The following TENM3 variants were observed in gnomAD, a reference collection of about 807,000 sequenced individuals.
TENM3 encodes teneurin-3.
Under a neutral mutation model 255.1 loss-of-function variants are expected in TENM3, and 63 were observed. The ratio of observed to expected loss-of-function variants is 0.25; its 90% confidence interval spans 0.20 to 0.30. TENM3 has a LOEUF of 0.30. Ranked by LOEUF, TENM3 falls within the 10% of genes least tolerant of loss-of-function variation. The pLI is 1.00. For synonymous variants in TENM3, 1,306 were observed against 1,322.3 expected, an observed-to-expected ratio of 0.99 and a Z score of 0.27; for missense variants, 2,929 against 3,461.1, an observed-to-expected ratio of 0.85 and a Z score of 3.86.
At chr4:182,091,184 C>A in the TENM3 span, among the ~76,000 whole-genome samples, 3 of 152,344 alleles carry the variant, frequency 2.0e-5, no homozygotes, top group Non-Finnish European at 4.4e-5. Flanking sequence ...TTAGAGCCAA[C>A]AGGCTGATGT....
At chr4:181,706,567 A>T in the TENM3 span, among the ~76,000 whole-genome samples, 2 of 152,202 alleles carry the variant, frequency 1.3e-5, no homozygotes, top group Admixed American at 1.3e-4. Flanking sequence ...TTCCCCAGAT[A>T]AGTATTCTTC....
chr4:181,692,268 T>G, the TENM3 span, among the ~76,000 whole-genome samples: 1 of 152,208 alleles, frequency 6.6e-6, no homozygotes, highest in Non-Finnish European at 1.5e-5. Context: ...GAGTCACTGT[T>G]GAATAAGCGT....
chr4:182,151,858 CTAAA>C (rs529476255), intron 1 of TENM3, among the ~76,000 whole-genome samples: 75 of 151,846 alleles, frequency 4.9e-4, no homozygotes, highest in African/African-American at 1.4e-3. Context: ...ATCTAGTAAT[CTAAA>C]TACATATTAT....
chr4:182,228,342 T>C (rs969214584), intron 1 of TENM3, among the ~76,000 whole-genome samples: 13 of 106,740 alleles, frequency 1.2e-4, no homozygotes, highest in African/African-American at 4.7e-4. Flanking sequence ...ACCTTAAATA[T>C]ATATAATGTA....
intron 1 of TENM3, among the ~76,000 whole-genome samples, chr4:182,188,100 A>G (rs6838902): frequency 1 from 151,973 of 152,218 alleles, 75,864 homozygotes; most frequent in Non-Finnish European, 1. Context: ...GAGGTAAGAT[A>G]AGATACAACC....
the TENM3 span, among the ~76,000 whole-genome samples, chr4:181,502,959 A>G: frequency 1.3e-5 from 2 of 152,194 alleles, no homozygotes; most frequent in African/African-American, 4.8e-5. Flanking sequence ...CTGGGTTATC[A>G]GACTGCAGAC....
At chr4:182,559,803 T>C (rs2151965437) in intron 3 of TENM3, among the ~76,000 whole-genome samples, 1 of 152,256 alleles carries the variant, frequency 6.6e-6, no homozygotes, top group Middle Eastern at 3.4e-3. Flanking sequence ...ACTAGCCCCA[T>C]GGTTAATGGG....
the TENM3 span, among the ~76,000 whole-genome samples, chr4:181,993,885 T>C: frequency 1.2e-4 from 19 of 152,238 alleles, no homozygotes; most frequent in African/African-American, 4.3e-4. Flanking sequence ...TTTTTTAAAA[T>C]AAGTAATTGA....
intron 3 of TENM3, among the ~76,000 whole-genome samples, chr4:182,390,058 C>T (rs9994988): frequency 0.068 from 10,303 of 152,160 alleles, 1,119 homozygotes; most frequent in African/African-American, 0.23. Flanking sequence ...AGCCCACCTC[C>T]CTCAGTTTGG....
the TENM3 span, among the ~76,000 whole-genome samples, chr4:182,048,443 A>C: frequency 6.6e-6 from 1 of 152,334 alleles, no homozygotes; most frequent in East Asian, 1.9e-4. Flanking sequence ...CCAGATAATC[A>C]TGCTCTTTGT....
rs755035125 is a variant in TENM3 at position 182,324,031 on chromosome 4, AAG to A, written c.13_14del (p.Glu5ThrfsTer26). On this transcript the variant is annotated frameshift_variant, in exon 2 of 28. Coordinates refer to ENST00000511685, the MANE Select transcript of TENM3 (RefSeq NM_001080477.4). LOFTEE classifies it high-confidence loss of function. ...CAGAAGGAATGAAGTATGGATGTGA[AAG>A]AACGCAGGCCTTACTGCTCCCTGAC... The A allele has an allele frequency of 1.2e-6, 2 of 1,613,726 alleles. No individual in the cohort carries two copies. The highest frequency in any genetic ancestry group is 1.7e-6 in the Non-Finnish European group (2 of 1,179,794).
the TENM3 span, among the ~76,000 whole-genome samples, chr4:181,470,804 A>C: frequency 1.3e-5 from 2 of 152,194 alleles, no homozygotes; most frequent in Admixed American, 1.3e-4. Flanking sequence ...ACAGCAGCAT[A>C]TCTACAAAGC....
the TENM3 span, among the ~76,000 whole-genome samples, chr4:181,951,994 T>C: frequency 3.3e-5 from 5 of 152,216 alleles, no homozygotes; most frequent in African/African-American, 1.2e-4. Context: ...TACTTGAAAG[T>C]CTGAAGTATT....
At chr4:182,407,916 C>A (rs758830905) in intron 3 of TENM3, among the ~76,000 whole-genome samples, 3 of 152,128 alleles carry the variant, frequency 2.0e-5, no homozygotes, top group Admixed American at 6.6e-5. Context: ...TTGAAAATAC[C>A]TTTCAAAATT....
At chr4:181,722,498 G>A in the TENM3 span, among the ~76,000 whole-genome samples, 1 of 152,116 alleles carries the variant, frequency 6.6e-6, no homozygotes, top group Non-Finnish European at 1.5e-5. Context: ...AATTTTAAAG[G>A]AAAAGAAAAG....
At chr4:182,277,691 C>G (rs1164892206) in intron 1 of TENM3, among the ~76,000 whole-genome samples, 1 of 152,184 alleles carries the variant, frequency 6.6e-6, no homozygotes, top group Non-Finnish European at 1.5e-5. Context: ...AGGATAGAGT[C>G]CCAGTTCTCT....
At chr4:182,279,506 A>G (rs1400483785) in intron 1 of TENM3, among the ~76,000 whole-genome samples, 1 of 152,184 alleles carries the variant, frequency 6.6e-6, no homozygotes, top group Non-Finnish European at 1.5e-5. Flanking sequence ...AATTTGATGA[A>G]CAAGCCATCG....
chr4:182,653,606 T>C (rs1753511952), intron 5 of TENM3, among the ~76,000 whole-genome samples, 165 bp from the exon 6 acceptor site: 1 of 151,986 alleles, frequency 6.6e-6, no homozygotes, highest in African/African-American at 2.4e-5. Flanking sequence ...TTATATTTGT[T>C]TGAGGAACTC....
At chr4:182,161,650 TATACACACAC>T (rs1459879670) in intron 1 of TENM3, among the ~76,000 whole-genome samples, 46 of 107,656 alleles carry the variant, frequency 4.3e-4, no homozygotes, top group African/African-American at 1.6e-3. Context: ...TATATATATA[TATACACACAC>T]ACAAATATAT....
Sources: gnomAD v4.1 joint callset for allele counts (sites outside exome capture counted in the v4.1 genomes callset) on GRCh38, gnomAD v4.1.1 for gene constraint, MANE v1.5 for transcripts, NCBI Gene and HGNC (gene_info 2026-07-23, HGNC 2026-07-21) for gene names.